The following CDC42SE2 variants were observed in gnomAD, a reference collection of about 807,000 sequenced individuals.
The protein encoded by CDC42SE2 is CDC42 small effector protein 2.
CDC42SE2 carries 3 observed loss-of-function variants against 11.5 expected under a neutral mutation model. The ratio of observed to expected loss-of-function variants is 0.26; its 90% CI spans 0.12 to 0.67. The LOEUF (loss-of-function observed/expected upper bound fraction) is 0.67, where lower values mean the gene tolerates loss of function less well. Among genes scored for constraint, CDC42SE2 ranks in the 30% least tolerant of loss-of-function variants. The pLI is 0.80. For missense variants in CDC42SE2, 82 were observed against 106.8 expected, an observed-to-expected ratio of 0.77 and a Z score of 1.02; for synonymous variants, 33 against 34.8, an observed-to-expected ratio of 0.95 and a Z score of 0.18.
the CDC42SE2 span, among the ~76,000 whole-genome samples, chr5:131,239,216 CATT>C: frequency 3.3e-5 from 5 of 151,194 alleles, no homozygotes; most frequent in Admixed American, 2.0e-4. Context: ...ATATTAAAAA[CATT>C]ATTATTTTTT....
chr5:131,377,174 A>AT (rs35859756), intron 3 of CDC42SE2, among the ~76,000 whole-genome samples: 3,448 of 139,082 alleles, frequency 0.025, 92 homozygotes, highest in African/African-American at 0.069. Flanking sequence ...ACTATATGTA[A>AT]TTTTTTTTTT....
At chr5:131,285,734 T>C (rs1419012057) in intron 1 of CDC42SE2, among the ~76,000 whole-genome samples, 1 of 152,280 alleles carries the variant, frequency 6.6e-6, no homozygotes, top group East Asian at 1.9e-4. Context: ...GGGTTATCAC[T>C]AGATTAATAT....
At chr5:131,321,536 A>G (rs1758186990) in intron 2 of CDC42SE2, among the ~76,000 whole-genome samples, 1 of 152,194 alleles carries the variant, frequency 6.6e-6, no homozygotes, top group Non-Finnish European at 1.5e-5. Context: ...TAAAGTGTTA[A>G]GTGAAAAAGG....
chr5:131,221,301 A>AT, the CDC42SE2 span, among the ~76,000 whole-genome samples: 1,488 of 147,434 alleles, frequency 0.01, 16 homozygotes, highest in Middle Eastern at 0.073. Context: ...TTTTTTTGCG[A>AT]TTTTTTTTTT....
At chr5:131,356,629 T>C (rs1405151114) in intron 2 of CDC42SE2, among the ~76,000 whole-genome samples, 2 of 152,216 alleles carry the variant, frequency 1.3e-5, no homozygotes, top group African/African-American at 2.4e-5. Flanking sequence ...TAGAAGTTAT[T>C]GTACTTTAGG....
chr5:131,226,205 T>A, the CDC42SE2 span, among the ~76,000 whole-genome samples: 1 of 152,236 alleles, frequency 6.6e-6, no homozygotes, highest in Non-Finnish European at 1.5e-5. Context: ...GTTAGCTAAT[T>A]GCTCATGGTT....
intron 2 of CDC42SE2, among the ~76,000 whole-genome samples, chr5:131,346,890 C>T (rs1269192641): frequency 1.4e-5 from 2 of 146,060 alleles, no homozygotes; most frequent in African/African-American, 2.8e-5. Context: ...GAACAACCTG[C>T]TCCTGAATGA....
chr5:131,275,959 T>G (rs1198715169), intron 1 of CDC42SE2, among the ~76,000 whole-genome samples: 1 of 152,118 alleles, frequency 6.6e-6, no homozygotes, highest in Non-Finnish European at 1.5e-5. Flanking sequence ...TTGAGTAGTA[T>G]TTATTAAATG....
chr5:131,246,802 G>A lies in CDC42SE2; in HGVS notation n.107+1203G>A, dbSNP rs190574301. 3.4e-3 allele frequency among the ~76,000 whole-genome samples: 467 copies of A among 135,920 alleles called. 3 individuals are homozygous for A. Among genetic ancestry groups the A allele is most frequent in the Non-Finnish European group, 5.5e-3 (354 of 64,734 alleles). 89.2% of individuals were successfully genotyped at this position (135,920 alleles called of 152,430 possible). A position where few individuals can be genotyped will look rare whatever the true frequency, so the allele number is the denominator to read the frequency against. ...TTTGAGACAGAGTTTGGAGTGCAAT[G>A]GCGTGATCTCAGCTCACCACAATCT... On this transcript the variant is annotated intron_variant and non_coding_transcript_variant, in intron 1 of 3. Coordinates refer to the CDC42SE2 transcript ENST00000502840.
the CDC42SE2 span, among the ~76,000 whole-genome samples, chr5:131,225,143 C>G: frequency 1.3e-5 from 2 of 152,104 alleles, no homozygotes; most frequent in African/African-American, 4.8e-5. Context: ...AGGGGAAGCC[C>G]AGAGCAAAGC....
At chr5:131,339,532 C>T (rs548234246) in intron 2 of CDC42SE2, among the ~76,000 whole-genome samples, 6 of 152,044 alleles carry the variant, frequency 3.9e-5, no homozygotes, top group East Asian at 1.9e-4. Context: ...TTTGGCCAAG[C>T]GCGGTTGCTC....
chr5:131,391,078 C>T lies in CDC42SE2; in HGVS notation c.242C>T (p.Thr81Met), dbSNP rs373834432. The change falls in exon 5 of 5, where the codon ACG becomes ATG. Residue 81 changes from threonine to methionine, a missense_variant. Coordinates refer to ENST00000505065, the MANE Select transcript of CDC42SE2 (RefSeq NM_001375635.1). Reference sequence around the variant, plus strand: ...AATGTCCAGATGCAGCTCGTGGATACGAAGGCGGGATAGCCCTGGTCCTTT... The same window carrying T: ...AATGTCCAGATGCAGCTCGTGGATATGAAGGCGGGATAGCCCTGGTCCTTT... ...PANVQMQLVD[T>M]KAG The T allele has an allele frequency of 1.4e-5, 22 of 1,611,622 alleles. No individual in the cohort carries two copies. Among genetic ancestry groups the T allele is most frequent in the East Asian group, 4.5e-5 (2 of 44,776 alleles).
the CDC42SE2 span, among the ~76,000 whole-genome samples, chr5:131,231,439 C>A: frequency 5.9e-5 from 9 of 152,004 alleles, no homozygotes; most frequent in Admixed American, 5.9e-4. Context: ...ACAAATCATG[C>A]AAAAGCAACA....
At chr5:131,279,226 C>A (rs1039625035) in intron 1 of CDC42SE2, among the ~76,000 whole-genome samples, 2 of 152,120 alleles carry the variant, frequency 1.3e-5, no homozygotes, top group African/African-American at 4.8e-5. Context: ...CTGATGATTA[C>A]TTCTAGATTC....
chr5:131,246,761 C>CTTTT (rs71000981), intron 1 of CDC42SE2, among the ~76,000 whole-genome samples: 8 of 124,466 alleles, frequency 6.4e-5, no homozygotes, highest in South Asian at 2.5e-4. Flanking sequence ...CACTCAAATC[C>CTTTT]TTTTTTTTTT....
At chr5:131,312,830 G>A (rs1757954332) in intron 1 of CDC42SE2, among the ~76,000 whole-genome samples, 1 of 152,176 alleles carries the variant, frequency 6.6e-6, no homozygotes, top group African/African-American at 2.4e-5. Context: ...ACTGACCTGC[G>A]CCCACGATCT....
intron 1 of CDC42SE2, among the ~76,000 whole-genome samples, chr5:131,308,801 C>G (rs1472668320): frequency 2.0e-5 from 3 of 151,976 alleles, no homozygotes; most frequent in Admixed American, 6.6e-5. Context: ...ATTTTGTATC[C>G]TGAGACTTTG....
At chr5:131,215,016 G>A in the CDC42SE2 span, among the ~76,000 whole-genome samples, 4 of 152,244 alleles carry the variant, frequency 2.6e-5, no homozygotes, top group African/African-American at 9.6e-5. Flanking sequence ...CTTCTGGTCA[G>A]TAAGGACCTC....
chr5:131,266,863 C>T (rs906967214), intron 1 of CDC42SE2, among the ~76,000 whole-genome samples: 1 of 150,260 alleles, frequency 6.7e-6, no homozygotes, highest in Admixed American at 6.7e-5. Context: ...CACTGATAGT[C>T]TGGTGTTGAT....
Sources: gnomAD v4.1 joint callset for allele counts (sites outside exome capture counted in the v4.1 genomes callset) on GRCh38, gnomAD v4.1.1 for gene constraint, MANE v1.5 for transcripts, NCBI Gene and HGNC (gene_info 2026-07-23, HGNC 2026-07-21) for gene names.